The following CACNA1A variants were observed in gnomAD, a reference collection of about 807,000 sequenced individuals.
The protein encoded by CACNA1A is calcium voltage-gated channel subunit alpha1 A, also known as voltage-dependent P/Q-type calcium channel subunit alpha-1A.
CACNA1A carries 57 observed loss-of-function variants against 262.4 expected under a neutral mutation model. That is an observed-to-expected ratio of 0.22 (90% confidence interval 0.18 to 0.27). The LOEUF is 0.27. Ranked by LOEUF, CACNA1A falls within the 10% of genes least tolerant of loss-of-function variation. CACNA1A has a pLI of 1.00. For synonymous variants in CACNA1A, 1,431 were observed against 1,419.3 expected (o/e 1.01, Z -0.18); for missense variants, 2,526 against 3,562.8 (o/e 0.71, Z 7.41).
At chr19:13,347,037 T>A (rs1397795205) in intron 6 of CACNA1A, among the ~76,000 whole-genome samples, 1 of 147,892 alleles carries the variant, frequency 6.8e-6, no homozygotes, top group Non-Finnish European at 1.5e-5. Flanking sequence ...ATATGATTTG[T>A]TCCTTCAGGT....
At chr19:13,351,126 G>A (rs931247173) in intron 6 of CACNA1A, among the ~76,000 whole-genome samples, 3 of 152,068 alleles carry the variant, frequency 2.0e-5, no homozygotes, top group African/African-American at 4.8e-5. Flanking sequence ...CTGTTCCTCC[G>A]CTATAAAACT....
intron 5 of CACNA1A, among the ~76,000 whole-genome samples, chr19:13,360,757 G>A (rs1248090958): frequency 1.3e-5 from 2 of 152,146 alleles, no homozygotes; most frequent in Non-Finnish European, 1.5e-5. Flanking sequence ...GATTACAGGC[G>A]TGAGCCACTG....
chr19:13,455,262 G>C (rs765875329), intron 1 of CACNA1A, 50 bp from the exon 2 acceptor site: 2 of 1,134,132 alleles, frequency 1.8e-6, no homozygotes, highest in Middle Eastern at 2.0e-4. Flanking sequence ...AAGGGTGTTG[G>C]AGGTGCACCC....
chr19:13,392,904 G>A (rs28534492), intron 3 of CACNA1A, among the ~76,000 whole-genome samples: 2,134 of 152,266 alleles, frequency 0.014, 57 homozygotes, highest in African/African-American at 0.049. Flanking sequence ...ACGCCACCAT[G>A]CTCGGCTAAT....
chr19:13,404,777 G>A (rs1379654782), intron 3 of CACNA1A, among the ~76,000 whole-genome samples: 3 of 152,156 alleles, frequency 2.0e-5, no homozygotes, highest in Non-Finnish European at 4.4e-5. Context: ...GATGCTAAAC[G>A]TGAACCATCC....
intron 3 of CACNA1A, among the ~76,000 whole-genome samples, chr19:13,380,643 C>A (rs2059504393): frequency 9.5e-5 from 2 of 21,102 alleles, no homozygotes; most frequent in Admixed American, 1.1e-3. Flanking sequence ...GTGACTCTGT[C>A]TCAAAAAAAA....
intron 7 of CACNA1A, among the ~76,000 whole-genome samples, 185 bp downstream of exon 7, chr19:13,335,621 T>C (rs1007735063): frequency 1.3e-5 from 2 of 152,294 alleles, no homozygotes; most frequent in Non-Finnish European, 1.5e-5. Context: ...TCTCACTGGG[T>C]ACCCCTAGCA....
intron 37 of CACNA1A, chr19:13,226,044 CTTG>C: frequency 6.6e-6 from 1 of 152,088 alleles, no homozygotes; most frequent in South Asian, 2.1e-4. Flanking sequence ...AAAAAAGTGT[CTTG>C]TTCTCACCAC....
At chr19:13,290,668 C>T (rs140918727) in intron 19 of CACNA1A, among the ~76,000 whole-genome samples, 11 of 152,104 alleles carry the variant, frequency 7.2e-5, no homozygotes, top group African/African-American at 1.9e-4. Context: ...CTGCCTTGGC[C>T]GCCCAAAGTG....
chr19:13,412,998 C>G (rs947246993), intron 3 of CACNA1A, among the ~76,000 whole-genome samples: 11 of 152,048 alleles, frequency 7.2e-5, no homozygotes, highest in Non-Finnish European at 1.6e-4. Context: ...CGCCTGTAAT[C>G]CCAAGGCTTT....
At chr19:13,449,733 A>G (rs1279406740) in intron 3 of CACNA1A, among the ~76,000 whole-genome samples, 3 of 152,256 alleles carry the variant, frequency 2.0e-5, no homozygotes, top group Non-Finnish European at 4.4e-5. Context: ...AGGCAGCCAA[A>G]GTGTGAATAC....
At position 13,229,258 on chromosome 19, in the gene CACNA1A, C is replaced by T. The variant is rs73922371; in HGVS notation, c.5528+824G>A. On this transcript the variant is annotated intron_variant, in intron 36 of 46. Coordinates refer to ENST00000360228, the MANE Select transcript of CACNA1A (RefSeq NM_001127222.2). Reference sequence around the variant, plus strand: ...CACCTCCTGCCCACCTTCCTCGTGACGGCCTCCTCTCTGGTGCTGAGGCCA... The same window carrying T: ...CACCTCCTGCCCACCTTCCTCGTGATGGCCTCCTCTCTGGTGCTGAGGCCA... 7.5e-3 allele frequency: 1,146 copies of T among 153,462 alleles called. 14 individuals carry two copies. Among genetic ancestry groups the T allele is most frequent in the Middle Eastern group, 0.033 (10 of 302 alleles). 9.5% of individuals were successfully genotyped at this position (153,462 alleles called of 1,614,324 possible).
intron 3 of CACNA1A, among the ~76,000 whole-genome samples, chr19:13,449,487 A>AT (rs928701623): frequency 8.6e-5 from 13 of 151,762 alleles, no homozygotes; most frequent in African/African-American, 2.9e-4. Context: ...ATTTTATTTC[A>AT]TTTTGTAGAG....
chr19:13,353,301 T>A (rs1445984273), intron 6 of CACNA1A, among the ~76,000 whole-genome samples: 2 of 143,946 alleles, frequency 1.4e-5, no homozygotes. Flanking sequence ...GTATTTTTGT[T>A]TTTTTTTTTT....
chr19:13,285,290 A>G, intron 20 of CACNA1A, 84 bp from the exon 21 acceptor site: 1 of 1,512,610 alleles, frequency 6.6e-7, no homozygotes. Flanking sequence ...CAGGGCAGGC[A>G]AGAAGCGGCT....
At chr19:13,492,907 T>C (rs956063163) in intron 1 of CACNA1A, among the ~76,000 whole-genome samples, 2 of 152,070 alleles carry the variant, frequency 1.3e-5, no homozygotes, top group African/African-American at 4.8e-5. Context: ...CCAGGGTCTC[T>C]CTCCTGTACG....
intron 31 of CACNA1A, among the ~76,000 whole-genome samples, chr19:13,240,520 T>G (rs986490717): frequency 3.3e-4 from 49 of 150,588 alleles, no homozygotes; most frequent in African/African-American, 1.2e-3. Flanking sequence ...ATAGTGACTG[T>G]GCACAGTGTG....
At position 13,300,574 on chromosome 19, in the gene CACNA1A, G is replaced by T. The variant is rs535900273; in HGVS notation, c.2255C>A (p.Ser752Tyr). The T allele has an allele frequency of 2.5e-6, 4 of 1,613,520 alleles. 1 individual carries two copies. The highest frequency in any genetic ancestry group is 2.2e-5 in the South Asian group (2 of 91,068). ...AKEVAEVSPL[S>Y]AANMSIAVKE... ...CACAGCTATAGACATGTTGGCCGCG[G>T]ACAGAGGACTCACTTCTGCCACCTC... Residue 752 changes from serine (S) to tyrosine (Y), a missense_variant, in exon 18 of 47, where the codon TCC (serine) becomes TAC (tyrosine). Transcript: ENST00000360228.
intron 24 of CACNA1A, chr19:13,271,952 C>CGGGGTTTT (rs2057031804): frequency 1.3e-5 from 2 of 151,830 alleles, no homozygotes; most frequent in Non-Finnish European, 2.9e-5. Flanking sequence ...TTAGTAGAGA[C>CGGGGTTTT]AGGGTTTTAC....
Sources: allele counts gnomAD v4.1 joint callset (sites outside exome capture counted in the v4.1 genomes callset), GRCh38; gene constraint gnomAD v4.1.1; transcripts MANE v1.5; gene names NCBI Gene and HGNC (gene_info 2026-07-23, HGNC 2026-07-21).